The following SVIP variants were observed in gnomAD, a reference collection of about 807,000 sequenced individuals.
The protein encoded by SVIP is small VCP interacting protein.
In SVIP, 14 loss-of-function variants were observed where a neutral mutation model predicts 12.9. The ratio of observed to expected loss-of-function variants is 1.08; its 90% CI spans 0.72 to 1.70. The LOEUF (loss-of-function observed/expected upper bound fraction) is 1.70. Ranked by LOEUF, SVIP falls within the 40% of genes most tolerant of loss-of-function variation. SVIP has a pLI of 0.00. For synonymous variants in SVIP, 35 were observed against 33.3 expected (o/e 1.05, Z -0.17); for missense variants, 93 against 90.8 (o/e 1.02, Z -0.10).
Position 22,827,334 on chromosome 11 carries a change from G to T in SVIP, c.106-14C>A, listed in dbSNP as rs532472909. The T allele has an allele frequency of 2.5e-6, 4 of 1,581,122 alleles. No homozygotes were observed. Among genetic ancestry groups the T allele is most frequent in the African/African-American group, 1.4e-5 (1 of 72,318 alleles). On this transcript the variant is annotated splice_polypyrimidine_tract_variant and intron_variant, in intron 2 of 3. Transcript: ENST00000354193. Reference sequence around the variant, plus strand: ...CCGAGATGCAGCCTTGAAGAAATTTGATAAGAAAAACAGAAAGACAACAAA... The same window carrying T: ...CCGAGATGCAGCCTTGAAGAAATTTTATAAGAAAAACAGAAAGACAACAAA...
At position 22,824,814 on chromosome 11, in the gene SVIP, CCTACT is replaced by C. The variant is rs542996472; in HGVS notation, c.220-1686_220-1682del. 2.3e-3 allele frequency among the ~76,000 whole-genome samples: 354 copies of C among 152,164 alleles called. 1 individual carries two copies. The highest frequency in any genetic ancestry group is 8.2e-3 in the African/African-American group (342 of 41,518). On this transcript the variant is annotated intron_variant, in intron 3 of 3. Coordinates refer to ENST00000354193, the MANE Select transcript of SVIP (RefSeq NM_148893.3). ...CTTAAAACAGTCCTGATGGCTAAACCCTACTCTCAGAGACTGACTGGTGTGAGGTG... is the reference window on the plus strand; with the variant it reads ...CTTAAAACAGTCCTGATGGCTAAACCCTCAGAGACTGACTGGTGTGAGGTG...
chr11:22,829,262 T>C (rs911298213), intron 1 of SVIP: 52 of 160,330 alleles, frequency 3.2e-4, no homozygotes, highest in Non-Finnish European at 1.6e-4. Flanking sequence ...AGCACCTTCT[T>C]TTAAAAGATG....
chr11:22,821,665 T>C lies in SVIP; in HGVS notation c.*1454A>G, dbSNP rs1483016490. 2 of 152,238 alleles carry C rather than the reference T, an allele frequency of 1.3e-5. No homozygotes were observed. Among genetic ancestry groups the C allele is most frequent in the Non-Finnish European group, 2.9e-5 (2 of 68,034 alleles). 9.4% of individuals were successfully genotyped at this position (152,238 alleles called of 1,614,324 possible). The stretch of plus-strand genomic sequence containing the variant: ...TTTTAATAAAATCAAAAATTTTCAT[T>C]CTAAAATATAGTTCAATGATTTCAC... On this transcript the variant is annotated 3_prime_UTR_variant, in exon 4 of 4. Coordinates refer to ENST00000354193, the MANE Select transcript of SVIP (RefSeq NM_148893.3).
chr11:22,826,780 G>T (rs1299818953), intron 3 of SVIP, among the ~76,000 whole-genome samples: 3 of 152,028 alleles, frequency 2.0e-5, no homozygotes, highest in Non-Finnish European at 4.4e-5. Flanking sequence ...CCAAATCAAT[G>T]CGTAAAAGAG....
At chr11:22,823,323 TAAAG>T (rs1211752570) in intron 3 of SVIP, among the ~76,000 whole-genome samples, 190 bp from the exon 4 acceptor site, 1 of 152,184 alleles carries the variant, frequency 6.6e-6, no homozygotes, top group Non-Finnish European at 1.5e-5. Flanking sequence ...TTTAAAAGCA[TAAAG>T]AAGACAAAAT....
intron 3 of SVIP, among the ~76,000 whole-genome samples, chr11:22,826,419 T>C: frequency 6.6e-6 from 1 of 152,286 alleles, no homozygotes; most frequent in African/African-American, 2.4e-5. Context: ...TACTCATAAA[T>C]CATTGACAAG....
At position 22,822,224 on chromosome 11, in the gene SVIP, CAT is replaced by C. The variant is rs1233588913; in HGVS notation, c.*893_*894del. 7 of 152,244 alleles carry C rather than the reference CAT, an allele frequency of 4.6e-5. No individual in the cohort carries two copies. The highest frequency in any genetic ancestry group is 1.2e-4 in the African/African-American group (5 of 41,548). 9.4% of individuals were successfully genotyped at this position (152,244 alleles called of 1,614,324 possible). A position where few individuals can be genotyped will look rare whatever the true frequency, so the allele number is the denominator to read the frequency against. The stretch of plus-strand genomic sequence containing the variant: ...AGACCTTTTGTAAGTACAGTACCTA[CAT>C]GTTTTTTTCATACATTCATACTTGC... On this transcript the variant is annotated 3_prime_UTR_variant, in exon 4 of 4. Coordinates refer to ENST00000354193, the MANE Select transcript of SVIP (RefSeq NM_148893.3).
chr11:22,823,570 C>G (rs1438192215), intron 3 of SVIP, among the ~76,000 whole-genome samples: 1 of 152,132 alleles, frequency 6.6e-6, no homozygotes, highest in Non-Finnish European at 1.5e-5. Flanking sequence ...GTCATAAAAC[C>G]CAGGGCACTC....
chr11:22,829,417 G>A, intron 1 of SVIP: 3 of 374,362 alleles, frequency 8.0e-6, no homozygotes, highest in Non-Finnish European at 1.4e-5. Context: ...GCCCTATGAA[G>A]ATCCGGCGCA....
At chr11:22,827,178 T>G (rs1412283234) in intron 3 of SVIP, 29 bp downstream of exon 3, 3 of 1,537,974 alleles carry the variant, frequency 2.0e-6, no homozygotes, top group Middle Eastern at 1.7e-4. Flanking sequence ...GCCAGTTAAG[T>G]TAATCACTAA....
At chr11:22,826,667 C>A (rs749745960) in intron 3 of SVIP, among the ~76,000 whole-genome samples, 4 of 152,068 alleles carry the variant, frequency 2.6e-5, no homozygotes, top group African/African-American at 4.8e-5. Flanking sequence ...GGATCCATAT[C>A]TAGGGAGGTA....
chr11:22,821,161 CAT>C lies in SVIP; in HGVS notation c.*1956_*1957del, dbSNP rs1303547782. ...TTATATATATATATAATTTTTTAGT[CAT>C]GTTTTTAGTCATTTGCTTTTTTTTT... On this transcript the variant is annotated 3_prime_UTR_variant, in exon 4 of 4. Transcript: ENST00000354193. 2.7e-5 allele frequency: 4 copies of C among 146,618 alleles called. No homozygotes were observed. The highest frequency in any genetic ancestry group is 6.0e-5 in the Non-Finnish European group (4 of 66,896). 9.1% of individuals were successfully genotyped at this position (146,618 alleles called of 1,614,324 possible).
Position 22,820,543 on chromosome 11 carries a change from C to G in SVIP, c.*2576G>C, listed in dbSNP as rs1857441210. 1 of 152,146 alleles carries G rather than the reference C, an allele frequency of 6.6e-6. No individual in the cohort carries two copies. The highest frequency in any genetic ancestry group is 2.4e-5 in the African/African-American group (1 of 41,446). 9.4% of individuals were successfully genotyped at this position (152,146 alleles called of 1,614,324 possible). A position where few individuals can be genotyped will look rare whatever the true frequency, so the allele number is the denominator to read the frequency against. ...CCTGAGGTTTCCCTAACCACCAACTCAGGTTCTAAGTATTTAGGATGTAGT... is the reference window on the plus strand; with the variant it reads ...CCTGAGGTTTCCCTAACCACCAACTGAGGTTCTAAGTATTTAGGATGTAGT... On this transcript the variant is annotated 3_prime_UTR_variant, in exon 4 of 4. Coordinates refer to ENST00000354193, the MANE Select transcript of SVIP (RefSeq NM_148893.3).
In SVIP at chr11:22,821,450, G is replaced by A. The variant is rs1223675084; in HGVS notation, c.*1669C>T. ...GGTATGACCTGCTGGTAGAAATAGG[G>A]CATGATTCCCTGGAAGTAAGTCACT... On this transcript the variant is annotated 3_prime_UTR_variant, in exon 4 of 4. Coordinates refer to ENST00000354193, the MANE Select transcript of SVIP (RefSeq NM_148893.3). 1 of 152,026 alleles carries A rather than the reference G, an allele frequency of 6.6e-6. No individual in the cohort carries two copies. Among genetic ancestry groups the A allele is most frequent in the Admixed American group, 6.5e-5 (1 of 15,268 alleles). 9.4% of individuals were successfully genotyped at this position (152,026 alleles called of 1,614,324 possible). A position where few individuals can be genotyped will look rare whatever the true frequency, so the allele number is the denominator to read the frequency against.
intron 2 of SVIP, among the ~76,000 whole-genome samples, chr11:22,827,616 GAAGAT>G (rs1411422919): frequency 6.6e-6 from 1 of 152,002 alleles, no homozygotes; most frequent in Non-Finnish European, 1.5e-5. Context: ...TGAATTTAGA[GAAGAT>G]ATGATAGTTT....
Position 22,823,034 on chromosome 11 carries a change from A to C in SVIP, c.*85T>G. ...AAAGTCTGAATCTTCATTTACTCAAAGAGAAGAAATTAAATTGATGAAGCC... is the reference window on the plus strand; with the variant it reads ...AAAGTCTGAATCTTCATTTACTCAACGAGAAGAAATTAAATTGATGAAGCC... On this transcript the variant is annotated 3_prime_UTR_variant, in exon 4 of 4. Transcript: ENST00000354193. 8.4e-7 allele frequency: 1 copy of C among 1,195,522 alleles called. No individual in the cohort carries two copies. Among genetic ancestry groups the C allele is most frequent in the East Asian group, 2.5e-5 (1 of 40,182 alleles). The allele number at this position is 1,195,522 out of a possible 1,614,324, so 74.1% of individuals were successfully genotyped here.
chr11:22,827,837 C>T lies in SVIP; in HGVS notation c.92G>A (p.Arg31Lys), dbSNP rs1472567597. The T allele has an allele frequency of 4.4e-6, 7 of 1,580,912 alleles. No individual in the cohort carries two copies. The African/African-American group carries it at 6.8e-5, about 15-fold the overall frequency. The change falls in exon 2 of 4, where the codon AGA (arginine) becomes AAA (lysine). Residue 31 changes from arginine (R) to lysine (K), a missense_variant. Transcript: ENST00000354193. ...KRAKLAEAAE[R>K]RQKEAASRGI... is the part of the protein sequence containing the mutation. ...CTTTAATCTTACCTCTTTTTGTCTT[C>T]TCTCTGCAGCCTCTGCAAGCTTTGC...
intron 3 of SVIP, among the ~76,000 whole-genome samples, chr11:22,826,611 A>T (rs996335492): frequency 6.6e-6 from 1 of 152,044 alleles, no homozygotes; most frequent in African/African-American, 2.4e-5. Flanking sequence ...GCATTCAGAG[A>T]CTCTGCTTAA....
chr11:22,823,326 A>G (rs1353037508), intron 3 of SVIP, among the ~76,000 whole-genome samples, 193 bp from the exon 4 acceptor site: 2 of 152,238 alleles, frequency 1.3e-5, no homozygotes, highest in Admixed American at 1.3e-4. Context: ...AAAAGCATAA[A>G]GAAGACAAAA....
Sources: gnomAD v4.1 joint callset for allele counts (sites outside exome capture counted in the v4.1 genomes callset) on GRCh38, gnomAD v4.1.1 for gene constraint, MANE v1.5 for transcripts, NCBI Gene and HGNC (gene_info 2026-07-23, HGNC 2026-07-21) for gene names.